Variants in ATAD5 observed in about 807,000 individuals in gnomAD.
The protein encoded by ATAD5 is ATPase family AAA domain containing 5.
ATAD5 carries 58 observed loss-of-function variants against 176.9 expected under a neutral mutation model. The observed-to-expected ratio is 0.33, with a 90% CI of 0.27 to 0.41. The LOEUF (loss-of-function observed/expected upper bound fraction) is 0.41. Among genes scored for constraint, ATAD5 ranks in the 10% least tolerant of loss-of-function variants. The pLI is 1.00. For missense variants in ATAD5, 1,789 were observed against 2,094.1 expected (o/e 0.85, Z 2.84); for synonymous variants, 640 against 712.6 (o/e 0.90, Z 1.62).
At chr17:30,865,258 C>T (rs1445434792) in intron 10 of ATAD5, among the ~76,000 whole-genome samples, 1 of 151,772 alleles carries the variant, frequency 6.6e-6, no homozygotes, top group Non-Finnish European at 1.5e-5. Flanking sequence ...TTGCAAGCTC[C>T]GCCTCCCGGG....
At chr17:30,855,688 T>G (rs1907255308) in intron 7 of ATAD5, among the ~76,000 whole-genome samples, 2 of 151,854 alleles carry the variant, frequency 1.3e-5, no homozygotes, top group East Asian at 3.9e-4. Flanking sequence ...GCTAACTAAC[T>G]TAATTAATTA....
intron 10 of ATAD5, among the ~76,000 whole-genome samples, chr17:30,861,485 CTT>C (rs1260139396): frequency 6.6e-6 from 1 of 151,650 alleles, no homozygotes; most frequent in Non-Finnish European, 1.5e-5. Context: ...GGTGTTCAGT[CTT>C]TGATTTTTCT....
At chr17:30,890,013 C>T (rs1156804082) in intron 19 of ATAD5, among the ~76,000 whole-genome samples, 1 of 151,206 alleles carries the variant, frequency 6.6e-6, no homozygotes, top group East Asian at 1.9e-4. Flanking sequence ...CCCTGAGCCT[C>T]CTGAGTAGCT....
intron 8 of ATAD5, among the ~76,000 whole-genome samples, chr17:30,857,742 A>ATTTTTTT (rs56075512): frequency 1.4e-5 from 2 of 138,306 alleles, no homozygotes; most frequent in Non-Finnish European, 1.6e-5. Context: ...GACTAAAGCT[A>ATTTTTTT]TTTTTTTTTT....
chr17:30,859,360 T>G (rs1907477522), intron 9 of ATAD5, among the ~76,000 whole-genome samples: 1 of 152,102 alleles, frequency 6.6e-6, no homozygotes, highest in South Asian at 2.1e-4. Flanking sequence ...TTATTTTATT[T>G]TATTTTATTT....
chr17:30,834,150 A>G lies in ATAD5; in HGVS notation c.69A>G (p.Pro23=), dbSNP rs1472296829. Residue 23 remains proline, a splice_region_variant and synonymous_variant, in exon 2 of 23, where the codon CCA becomes CCG. Transcript: ENST00000321990. The part of the protein sequence containing the change: ...PPPVKDCEIE[P]CKKRKKDDDT... ...CTTTTTCTCTTTTAAATTGCCAGCC[A>G]TGCAAAAAGCGAAAGAAAGATGATG... is the stretch of plus-strand genomic sequence containing the variant. 2 of 1,543,050 alleles carry G rather than the reference A, an allele frequency of 1.3e-6. No individual in the cohort carries two copies. The highest frequency in any genetic ancestry group is 1.7e-6 in the Non-Finnish European group (2 of 1,151,496).
At chr17:30,877,692 A>G (rs760440610) in intron 16 of ATAD5, 143 bp downstream of exon 16, 3 of 848,890 alleles carry the variant, frequency 3.5e-6, no homozygotes, top group Non-Finnish European at 5.4e-6. Flanking sequence ...AGCAAATTAA[A>G]CTGTCCACTC....
At chr17:30,877,328 G>T in intron 15 of ATAD5, 88 bp from the exon 16 acceptor site, 1 of 946,666 alleles carries the variant, frequency 1.1e-6, no homozygotes, top group South Asian at 1.8e-5. Context: ...TTTGATAATG[G>T]ATTTCAGTTT....
At position 30,879,415 on chromosome 17, in the gene ATAD5, G is replaced by GTGTA. The variant is rs1555559949; in HGVS notation, c.4013-5_4013-4insATGT. ...ATTTTTTTTTTTTGTGTGTGTGTGTGTGTGTAGACCCAACATTTAGTTTAA... is the reference window on the plus strand; with the variant it reads ...ATTTTTTTTTTTTGTGTGTGTGTGTGTGTATGTGTAGACCCAACATTTAGTTTAA... On this transcript the variant is annotated splice_polypyrimidine_tract_variant and splice_region_variant and intron_variant, in intron 17 of 22. Transcript: ENST00000321990. 6 of 1,599,496 alleles carry GTGTA rather than the reference G, an allele frequency of 3.8e-6. No individual in the cohort carries two copies. Among genetic ancestry groups the GTGTA allele is most frequent in the Non-Finnish European group, 4.3e-6 (5 of 1,175,076 alleles).
intron 4 of ATAD5, among the ~76,000 whole-genome samples, chr17:30,843,605 A>G (rs1203450912): frequency 1.3e-5 from 2 of 151,468 alleles, no homozygotes; most frequent in Non-Finnish European, 2.9e-5. Flanking sequence ...AGCCAAGAGT[A>G]CACCACTGCA....
intron 14 of ATAD5, among the ~76,000 whole-genome samples, chr17:30,873,795 G>A (rs1009306442): frequency 6.7e-6 from 1 of 149,806 alleles, no homozygotes; most frequent in African/African-American, 2.5e-5. Flanking sequence ...GGGCTCAGAT[G>A]ATCCTCCTGC....
chr17:30,892,680 TAA>T lies in ATAD5; in HGVS notation c.4336_4337del (p.Lys1446GlufsTer9). 1 of 1,602,926 alleles carries T rather than the reference TAA, an allele frequency of 6.2e-7. No homozygotes were observed. Among genetic ancestry groups the T allele is most frequent in the Non-Finnish European group, 8.5e-7 (1 of 1,175,346 alleles). ...ATAACAAAATTTACCCTAAAAATAC[TAA>T]AAAGAAACGTGTAGACCTTCCAAAA... ...LDNKIYPKNT[K>X]KKRVDLPKCD... is the part of the protein sequence containing the mutation. On this transcript the variant is annotated frameshift_variant, in exon 20 of 23. Transcript: ENST00000321990. LOFTEE classifies it high-confidence loss of function.
chr17:30,833,519 A>G (rs1905506731), intron 1 of ATAD5, among the ~76,000 whole-genome samples: 1 of 152,240 alleles, frequency 6.6e-6, no homozygotes, highest in Non-Finnish European at 1.5e-5. Context: ...TGAAAAATTA[A>G]ATGGAAAAGT....
Position 30,893,619 on chromosome 17 carries a change from C to T in ATAD5, c.4766C>T (p.Ser1589Phe), listed in dbSNP as rs773990661. 2 of 1,613,938 alleles carry T rather than the reference C, an allele frequency of 1.2e-6. No homozygotes were observed. Among genetic ancestry groups the T allele is most frequent in the Middle Eastern group, 1.6e-4 (1 of 6,062 alleles). ...ACTGACTTGGACTTTCCTGATCAAT[C>T]TATTAGCCTGTCCTCTGTATCATCT... Reference protein sequence around the residue: ...FDTDLDFPDQSISLSSVSSSS... With the variant: ...FDTDLDFPDQFISLSSVSSSS... Residue 1589 changes from serine (S) to phenylalanine (F), a missense_variant, in exon 21 of 23, where the codon TCT becomes TTT. By Grantham distance (155) the Ser-to-Phe change is radical. This residue lies in a region of ATAD5 where 403 missense variants were observed against 495.1 expected (regional missense o/e 0.81). Coordinates refer to ENST00000321990, the MANE Select transcript of ATAD5 (RefSeq NM_024857.5).
chr17:30,893,396 C>G lies in ATAD5; in HGVS notation c.4543C>G (p.Leu1515Val), dbSNP rs764843925. The G allele has an allele frequency of 6.2e-7, 1 of 1,611,910 alleles. No individual in the cohort carries two copies. The highest frequency in any genetic ancestry group is 1.1e-5 in the South Asian group (1 of 90,458). Residue 1515 changes from leucine to valine, a missense_variant, in exon 21 of 23, where the codon CTA becomes GTA. By Grantham distance (32) the Leu-to-Val change is conservative (BLOSUM62 1). This residue lies in a region of ATAD5 where 403 missense variants were observed against 495.1 expected (regional missense o/e 0.81). Transcript: ENST00000321990. ...DFLYSNLEFI[L>V]PLPVDTIPET... ...TTTATATAGTAATCTTGAGTTTATTCTACCATTACCAGTTGATACCATTCC... is the reference window on the plus strand; with the variant it reads ...TTTATATAGTAATCTTGAGTTTATTGTACCATTACCAGTTGATACCATTCC...
chr17:30,835,444 G>A lies in ATAD5; in HGVS notation c.1363G>A (p.Val455Ile). 2 of 1,611,322 alleles carry A rather than the reference G, an allele frequency of 1.2e-6. No homozygotes were observed. Residue 455 changes from valine (V) to isoleucine (I), a missense_variant, in exon 2 of 23, where the codon GTT (valine) becomes ATT (isoleucine). Physicochemically the swap from Val to Ile is conservative, Grantham distance 29. Transcript: ENST00000321990. Reference protein sequence around the residue: ...KIMENSGIQMVSKNGNLQLHT... With the variant: ...KIMENSGIQMISKNGNLQLHT... ...CATGGAAAATTCTGGTATCCAAATG[G>A]TTTCAAAAAATGGCAATTTACAGTT...
intron 12 of ATAD5, 84 bp downstream of exon 12, chr17:30,868,496 T>TA: frequency 1.1e-5 from 10 of 925,864 alleles, no homozygotes; most frequent in African/African-American, 5.4e-5. Context: ...CTATAAAATT[T>TA]CTTTTTTTTT....
At chr17:30,861,922 ATT>A (rs749141759) in intron 10 of ATAD5, 6 of 137,726 alleles carry the variant, frequency 4.4e-5, no homozygotes, top group Admixed American at 7.3e-5. Context: ...AAAGATGACA[ATT>A]TTTTTTTTTT....
At chr17:30,852,273 C>T (rs1597966316) in intron 6 of ATAD5, among the ~76,000 whole-genome samples, 2 of 152,276 alleles carry the variant, frequency 1.3e-5, no homozygotes, top group South Asian at 2.1e-4. Flanking sequence ...AGCTTGGTTT[C>T]TATGTCCCTT....
Sources: allele counts gnomAD v4.1 joint callset (sites outside exome capture counted in the v4.1 genomes callset), GRCh38; gene constraint gnomAD v4.1.1; regional missense constraint gnomAD v4.1.1; transcripts MANE v1.5; gene names NCBI Gene and HGNC (gene_info 2026-07-23, HGNC 2026-07-21).